The following FRYL variants were observed in gnomAD, a reference collection of about 807,000 sequenced individuals.
FRYL encodes the protein protein furry homolog-like.
In FRYL, 150 loss-of-function variants were observed where a neutral mutation model predicts 351.2. The observed-to-expected ratio is 0.43, with a 90% CI of 0.37 to 0.49. The LOEUF (loss-of-function observed/expected upper bound fraction) is 0.49, where lower values mean the gene tolerates loss of function less well. Among genes scored for constraint, FRYL ranks in the 20% least tolerant of loss-of-function variants. FRYL has a pLI of 0.00. For synonymous variants in FRYL, 1,153 were observed against 1,257.1 expected (o/e 0.92, Z 1.75); for missense variants, 3,036 against 3,619.3 (o/e 0.84, Z 4.13).
intron 18 of FRYL, among the ~76,000 whole-genome samples, chr4:48,589,499 T>C (rs1053889150): frequency 6.6e-6 from 1 of 151,986 alleles, no homozygotes; most frequent in Non-Finnish European, 1.5e-5. Context: ...ACAGAGTAAG[T>C]GTAGGGCCTT....
intron 1 of FRYL, among the ~76,000 whole-genome samples, chr4:48,753,302 G>A (rs1578927823): frequency 6.6e-6 from 1 of 152,260 alleles, no homozygotes; most frequent in East Asian, 1.9e-4. Flanking sequence ...ATGTTTACAA[G>A]CTTGTCAGTA....
chr4:48,654,994 C>A (rs564961703), intron 3 of FRYL, among the ~76,000 whole-genome samples: 83 of 151,986 alleles, frequency 5.5e-4, no homozygotes, highest in African/African-American at 2.0e-3. Context: ...GGCATTGTAC[C>A]CTTTAAGTAA....
intron 31 of FRYL, 133 bp from the exon 32 acceptor site, chr4:48,563,121 C>A: frequency 1.7e-6 from 1 of 582,918 alleles, no homozygotes; most frequent in Non-Finnish European, 3.1e-6. Flanking sequence ...TTGGTTTTTT[C>A]AAGGCAATAG....
chr4:48,592,417 G>C (rs1199741751), intron 16 of FRYL, among the ~76,000 whole-genome samples: 1 of 151,766 alleles, frequency 6.6e-6, no homozygotes, highest in Non-Finnish European at 1.5e-5. Context: ...ACAGATCCAA[G>C]ATAATCCTAA....
At chr4:48,582,180 C>A (rs757619230) in intron 20 of FRYL, among the ~76,000 whole-genome samples, 58 of 151,992 alleles carry the variant, frequency 3.8e-4, no homozygotes, top group Non-Finnish European at 6.5e-4. Context: ...ATCAAATAAC[C>A]CAAATGGAAG....
At chr4:48,623,632 GAAGTGAATGACCATAGGCT>G (rs1560736729) in intron 4 of FRYL, among the ~76,000 whole-genome samples, 3 of 152,062 alleles carry the variant, frequency 2.0e-5, no homozygotes, top group Non-Finnish European at 4.4e-5. Flanking sequence ...TGACTACCAC[GAAGTGAATGACCATAGGCT>G]GATGCCTTAT....
Position 48,661,985 on chromosome 4 carries a change from A to C in FRYL, c.-81+22688T>G, listed in dbSNP as rs555890809. ...AGATGCTGCCAAAGAAAAAATCAGT[A>C]AACTTGGAGAAATGGATATAGAAAC... On this transcript the variant is annotated intron_variant, in intron 3 of 63. Transcript: ENST00000358350. 2.6e-5 allele frequency among the ~76,000 whole-genome samples: 4 copies of C among 152,338 alleles called. No homozygotes were observed. In the East Asian group the frequency reaches 7.7e-4, roughly 29 times the overall value.
intron 19 of FRYL, among the ~76,000 whole-genome samples, chr4:48,585,689 CTTGTT>C (rs1741958211): frequency 6.6e-6 from 1 of 152,106 alleles, no homozygotes; most frequent in Admixed American, 6.5e-5. Context: ...TATGTGTTTG[CTTGTT>C]TTATTGATAC....
At chr4:48,575,023 T>A in intron 25 of FRYL, 94 bp downstream of exon 25, 1 of 1,232,692 alleles carries the variant, frequency 8.1e-7, no homozygotes, top group South Asian at 1.4e-5. Context: ...AGCACTCTGC[T>A]TGACCCTACC....
At chr4:48,568,269 G>C (rs1560623396) in intron 27 of FRYL, among the ~76,000 whole-genome samples, 1 of 152,174 alleles carries the variant, frequency 6.6e-6, no homozygotes, top group African/African-American at 2.4e-5. Context: ...AGATGTATCT[G>C]CAATGAGGTT....
In FRYL at chr4:48,546,055, T is replaced by C. The variant is rs1275308831; in HGVS notation, c.5279+12A>G. The C allele has an allele frequency of 6.2e-7, 1 of 1,608,226 alleles. No individual in the cohort carries two copies. The highest frequency in any genetic ancestry group is 2.2e-5 in the East Asian group (1 of 44,810). On this transcript the variant is annotated intron_variant, in intron 42 of 63. Coordinates refer to ENST00000358350, the MANE Select transcript of FRYL (RefSeq NM_015030.2). ...CATACACTGCTGGGATGATAAGAGC[T>C]GCCAGTGTTACCTTGAGGTAATGAA...
intron 1 of FRYL, among the ~76,000 whole-genome samples, chr4:48,770,134 G>C (rs1775365913): frequency 6.6e-6 from 1 of 152,166 alleles, no homozygotes; most frequent in South Asian, 2.1e-4. Context: ...TAACGATATT[G>C]TATCAGTTTC....
chr4:48,553,986 T>C (rs1360980868), intron 35 of FRYL, among the ~76,000 whole-genome samples: 2 of 152,232 alleles, frequency 1.3e-5, no homozygotes, highest in African/African-American at 4.8e-5. Flanking sequence ...ATATAGCTAT[T>C]AGGAAGATTA....
At chr4:48,565,440 CAG>C in intron 29 of FRYL, 89 bp downstream of exon 29, 1 of 948,114 alleles carries the variant, frequency 1.1e-6, no homozygotes, top group Non-Finnish European at 1.5e-6. Flanking sequence ...TTAATACTCT[CAG>C]ATCCTCTTTT....
intron 28 of FRYL, among the ~76,000 whole-genome samples, chr4:48,566,717 T>C (rs966086754): frequency 1.3e-5 from 2 of 152,232 alleles, no homozygotes; most frequent in Non-Finnish European, 2.9e-5. Flanking sequence ...GCTAGTCACA[T>C]TACTTCTTAC....
intron 22 of FRYL, among the ~76,000 whole-genome samples, chr4:48,579,511 A>C (rs1314229068): frequency 6.6e-6 from 1 of 152,182 alleles, no homozygotes; most frequent in Non-Finnish European, 1.5e-5. Context: ...CCACTATTTA[A>C]GTAATTCTTA....
intron 1 of FRYL, among the ~76,000 whole-genome samples, chr4:48,751,756 A>G (rs919912677): frequency 1.3e-5 from 2 of 152,136 alleles, no homozygotes; most frequent in African/African-American, 2.4e-5. Context: ...AAAATAAAAG[A>G]CATACAACAG....
chr4:48,751,898 G>A (rs1213579196), intron 1 of FRYL, among the ~76,000 whole-genome samples: 2 of 148,288 alleles, frequency 1.3e-5, no homozygotes, highest in African/African-American at 2.5e-5. Flanking sequence ...CCCTCCCCCA[G>A]ACCCATGGGA....
chr4:48,752,723 G>A (rs1048518804), intron 1 of FRYL, among the ~76,000 whole-genome samples: 2 of 152,208 alleles, frequency 1.3e-5, no homozygotes, highest in African/African-American at 4.8e-5. Context: ...ATGAATATAG[G>A]TGAAAGCTAG....
Sources: gnomAD v4.1 joint callset for allele counts (sites outside exome capture counted in the v4.1 genomes callset) on GRCh38, gnomAD v4.1.1 for gene constraint, MANE v1.5 for transcripts, NCBI Gene and HGNC (gene_info 2026-07-23, HGNC 2026-07-21) for gene names.